NEUROD2: variants seen among roughly 807,000 people sequenced by gnomAD.
NEUROD2 encodes neuronal differentiation 2, also known as neurogenic differentiation factor 2.
A neutral mutation model predicts 9.3 loss-of-function variants in NEUROD2; 5 were observed. The observed-to-expected ratio is 0.54, with a 90% CI of 0.28 to 1.13. The LOEUF is 1.13. NEUROD2 is among the 50% of genes most tolerant of loss of function. The pLI is 0.10. For missense variants in NEUROD2, 376 were observed against 549.2 expected, an observed-to-expected ratio of 0.68 and a Z score of 3.15; for synonymous variants, 277 against 257.3, an observed-to-expected ratio of 1.08 and a Z score of -0.73.
rs1048159931 is a variant in NEUROD2 at position 39,604,695 on chromosome 17, A to G, written c.*756T>C. On this transcript the variant is annotated 3_prime_UTR_variant, in exon 2 of 2. Transcript: ENST00000302584. Reference sequence around the variant, plus strand: ...TTTTTTGCCTTTTATTGCTTCTAAAAGTCCTTACTGCGTTTTCTCTCCGAT... The same window carrying G: ...TTTTTTGCCTTTTATTGCTTCTAAAGGTCCTTACTGCGTTTTCTCTCCGAT... The G allele has an allele frequency of 1.4e-5, 2 of 144,636 alleles. No homozygotes were observed. The highest frequency in any genetic ancestry group is 5.3e-5 in the African/African-American group (2 of 38,034). 9.0% of individuals were successfully genotyped at this position (144,636 alleles called of 1,614,324 possible).
In NEUROD2 at chr17:39,605,271, G is replaced by T; in HGVS notation, c.*180C>A. On this transcript the variant is annotated 3_prime_UTR_variant, in exon 2 of 2. Transcript: ENST00000302584. This position sits in a 1 kb window ranked among gnomAD's most constrained non-coding sequence, Gnocchi z 6.8. ...AGGCGAGTCCCCTGGGGGAAGCGAG[G>T]CCCCTGGGACAGGCCACCCACAGGT... The T allele has an allele frequency of 4.2e-6, 3 of 708,784 alleles. No homozygotes were observed. Among genetic ancestry groups the T allele is most frequent in the Non-Finnish European group, 6.6e-6 (3 of 455,112 alleles). The allele number at this position is 708,784 out of a possible 1,614,324, so 43.9% of individuals were successfully genotyped here. A position where few individuals can be genotyped will look rare whatever the true frequency, so the allele number is the denominator to read the frequency against.
Position 39,605,949 on chromosome 17 carries a change from C to T in NEUROD2, c.651G>A (p.Thr217=). The T allele has an allele frequency of 1.9e-6, 3 of 1,612,788 alleles. No individual in the cohort carries two copies. The highest frequency in any genetic ancestry group is 2.7e-5 in the African/African-American group (2 of 75,014). The change falls in exon 2 of 2, where the codon ACG becomes ACA. Residue 217 remains threonine, a synonymous_variant. Transcript: ENST00000302584. This position sits in a 1 kb window ranked among gnomAD's most constrained non-coding sequence, Gnocchi z 6.8. ...GGCCGGCACCGTCGGCGCCTTGCTCCGTGAGGAAGTTGCGAGAGTTGAGCT... is the reference window on the plus strand; with the variant it reads ...GGCCGGCACCGTCGGCGCCTTGCTCTGTGAGGAAGTTGCGAGAGTTGAGCT... ...CLQLNSRNFL[T]EQGADGAGRF... is the part of the protein sequence containing the mutation.
chr17:39,605,184 G>A lies in NEUROD2; in HGVS notation c.*267C>T. The A allele has an allele frequency of 2.7e-6, 1 of 366,218 alleles. No individual in the cohort carries two copies. The highest frequency in any genetic ancestry group is 4.9e-6 in the Non-Finnish European group (1 of 204,782). The allele number at this position is 366,218 out of a possible 1,614,324, so 22.7% of individuals were successfully genotyped here. ...GGGGTGCCTCCAGGGAGCCCCCGGAGAGAGGTCCCTGGAGAAGCACTCCTT... is the reference window on the plus strand; with the variant it reads ...GGGGTGCCTCCAGGGAGCCCCCGGAAAGAGGTCCCTGGAGAAGCACTCCTT... On this transcript the variant is annotated 3_prime_UTR_variant, in exon 2 of 2. Transcript: ENST00000302584. The surrounding 1 kb of genome is among the most constrained non-coding windows in gnomAD (Gnocchi z 6.8).
At position 39,604,706 on chromosome 17, in the gene NEUROD2, CG is replaced by C. The variant is rs1299906904; in HGVS notation, c.*744del. 7.7e-6 allele frequency: 1 copy of C among 129,530 alleles called. No homozygotes were observed. Among genetic ancestry groups the C allele is most frequent in the East Asian group, 2.4e-4 (1 of 4,090 alleles). 8.0% of individuals were successfully genotyped at this position (129,530 alleles called of 1,614,324 possible). On this transcript the variant is annotated 3_prime_UTR_variant, in exon 2 of 2. Transcript: ENST00000302584. ...TTATTGCTTCTAAAAGTCCTTACTG[CG>C]TTTTCTCTCCGATCCGGACTCTGCG...
Position 39,605,655 on chromosome 17 carries a change from G to A in NEUROD2, c.945C>T (p.Ser315=), listed in dbSNP as rs747940425. Residue 315 remains serine, a synonymous_variant, in exon 2 of 2, where the codon TCC becomes TCT. Coordinates refer to ENST00000302584, the MANE Select transcript of NEUROD2 (RefSeq NM_006160.4). The surrounding 1 kb of genome is among the most constrained non-coding windows in gnomAD (Gnocchi z 6.8). ...LNGNFSLKQD[S]SPDHEKSYHY... ...GGTAGCTTTTCTCGTGGTCGGGCGAGGAGTCCTGCTTGAGTGAGAAGTTGC... is the reference window on the plus strand; with the variant it reads ...GGTAGCTTTTCTCGTGGTCGGGCGAAGAGTCCTGCTTGAGTGAGAAGTTGC... 1 of 1,612,914 alleles carries A rather than the reference G, an allele frequency of 6.2e-7. No homozygotes were observed. Among genetic ancestry groups the A allele is most frequent in the East Asian group, 2.2e-5 (1 of 44,774 alleles).
Position 39,606,822 on chromosome 17 carries a change from C to T in NEUROD2, c.-5-218G>A. The T allele has an allele frequency of 2.0e-6, 1 of 492,606 alleles. No individual in the cohort carries two copies. The highest frequency in any genetic ancestry group is 3.3e-5 in the South Asian group (1 of 30,024). 30.5% of individuals were successfully genotyped at this position (492,606 alleles called of 1,614,324 possible). ...GGGATCTCGGCCCAGGCCCTCTCCC[C>T]GGCGCTGGGCCCCGGCTCCGCCCCT... On this transcript the variant is annotated intron_variant, in intron 1 of 1. Coordinates refer to ENST00000302584, the MANE Select transcript of NEUROD2 (RefSeq NM_006160.4). This position sits in a 1 kb window ranked among gnomAD's most constrained non-coding sequence, Gnocchi z 7.8.
rs529684056 is a variant in NEUROD2 at position 39,604,091 on chromosome 17, A to T, written c.*1360T>A. On this transcript the variant is annotated 3_prime_UTR_variant, in exon 2 of 2. Coordinates refer to ENST00000302584, the MANE Select transcript of NEUROD2 (RefSeq NM_006160.4). ...AAGAGGACTCCTTGGACCAAAAAAT[A>T]CTCTCTCCAGACACCGGAAATCGCC... 2 of 151,986 alleles carry T rather than the reference A, an allele frequency of 1.3e-5. No individual in the cohort carries two copies. Among genetic ancestry groups the T allele is most frequent in the African/African-American group, 2.4e-5 (1 of 41,168 alleles). The allele number at this position is 151,986 out of a possible 1,614,324, so 9.4% of individuals were successfully genotyped here.
In NEUROD2 at chr17:39,606,658, G is replaced by T; in HGVS notation, c.-5-54C>A. 2 of 1,451,424 alleles carry T rather than the reference G, an allele frequency of 1.4e-6. No individual in the cohort carries two copies. Among genetic ancestry groups the T allele is most frequent in the Non-Finnish European group, 1.8e-6 (2 of 1,104,972 alleles). The allele number at this position is 1,451,424 out of a possible 1,614,324, so 89.9% of individuals were successfully genotyped here. A position where few individuals can be genotyped will look rare whatever the true frequency, so the allele number is the denominator to read the frequency against. On this transcript the variant is annotated intron_variant, in intron 1 of 1. Coordinates refer to ENST00000302584, the MANE Select transcript of NEUROD2 (RefSeq NM_006160.4). This position sits in a 1 kb window ranked among gnomAD's most constrained non-coding sequence, Gnocchi z 7.8. Reference sequence around the variant, plus strand: ...AGACAGACAGCACAAAGTGAGGGGCGCGCTGGGGTACCGACGCCCCCCCAC... The same window carrying T: ...AGACAGACAGCACAAAGTGAGGGGCTCGCTGGGGTACCGACGCCCCCCCAC...
chr17:39,606,842 G>A lies in NEUROD2; in HGVS notation c.-5-238C>T. On this transcript the variant is annotated intron_variant, in intron 1 of 1. Transcript: ENST00000302584. This position sits in a 1 kb window ranked among gnomAD's most constrained non-coding sequence, Gnocchi z 7.8. Reference sequence around the variant, plus strand: ...CTCCCCGGCGCTGGGCCCCGGCTCCGCCCCTCGCTTGAATGGGGGGCTGCT... The same window carrying A: ...CTCCCCGGCGCTGGGCCCCGGCTCCACCCCTCGCTTGAATGGGGGGCTGCT... 2 of 474,020 alleles carry A rather than the reference G, an allele frequency of 4.2e-6. No individual in the cohort carries two copies. Among genetic ancestry groups the A allele is most frequent in the East Asian group, 3.7e-5 (1 of 27,384 alleles). The allele number at this position is 474,020 out of a possible 1,614,324, so 29.4% of individuals were successfully genotyped here. A position where few individuals can be genotyped will look rare whatever the true frequency, so the allele number is the denominator to read the frequency against.
Position 39,605,864 on chromosome 17 carries a change from G to A in NEUROD2, c.736C>T (p.Leu246=), listed in dbSNP as rs776036478. 4 of 1,529,450 alleles carry A rather than the reference G, an allele frequency of 2.6e-6. No homozygotes were observed. The East Asian group carries it at 1.0e-4, about 39-fold the overall frequency. The allele number at this position is 1,529,450 out of a possible 1,614,324, so 94.7% of individuals were successfully genotyped here. Reference sequence around the variant, plus strand: ...GCCGCCTGGCACTGTGCGCCCGCCAGGCGCGAGCACGGGTACGGGTAGGGG... The same window carrying A: ...GCCGCCTGGCACTGTGCGCCCGCCAAGCGCGAGCACGGGTACGGGTAGGGG... ...MHPYPYPCSR[L]AGAQCQAAGG... The change falls in exon 2 of 2, where the codon CTG becomes TTG. Residue 246 remains leucine (L), a synonymous_variant. Coordinates refer to ENST00000302584, the MANE Select transcript of NEUROD2 (RefSeq NM_006160.4). The surrounding 1 kb of genome is among the most constrained non-coding windows in gnomAD (Gnocchi z 6.8).
In NEUROD2 at chr17:39,605,470, T is replaced by C. The variant is rs80186804; in HGVS notation, c.1130A>G (p.Asn377Ser). Residue 377 changes from asparagine to serine, a missense_variant, in exon 2 of 2, where the codon AAT becomes AGT. Physicochemically the swap from Asn to Ser is conservative, Grantham distance 46 (BLOSUM62 1). Coordinates refer to ENST00000302584, the MANE Select transcript of NEUROD2 (RefSeq NM_006160.4). This position sits in a 1 kb window ranked among gnomAD's most constrained non-coding sequence, Gnocchi z 6.8. Reference protein sequence around the residue: ...HDRGPMYEELNAFFHN With the variant: ...HDRGPMYEELSAFFHN ...GAAGTCTCAGTTATGAAAAAACGCA[T>C]TGAGCTCCTCGTACATGGGGCCCCG... 3.8e-6 allele frequency: 6 copies of C among 1,589,026 alleles called. No homozygotes were observed. The highest frequency in any genetic ancestry group is 1.1e-5 in the South Asian group (1 of 89,028).
Position 39,604,794 on chromosome 17 carries a change from T to C in NEUROD2, c.*657A>G, listed in dbSNP as rs1485468951. 5 of 139,310 alleles carry C rather than the reference T, an allele frequency of 3.6e-5. No individual in the cohort carries two copies. Among genetic ancestry groups the C allele is most frequent in the Admixed American group, 1.5e-4 (2 of 13,792 alleles). 8.6% of individuals were successfully genotyped at this position (139,310 alleles called of 1,614,324 possible). Reference sequence around the variant, plus strand: ...TTTTTTTTTTTTTTTTTTTTTTTTTTTGTATGTTTGTTTGTTTAAAAAAAG... The same window carrying C: ...TTTTTTTTTTTTTTTTTTTTTTTTTCTGTATGTTTGTTTGTTTAAAAAAAG... On this transcript the variant is annotated 3_prime_UTR_variant, in exon 2 of 2. Coordinates refer to ENST00000302584, the MANE Select transcript of NEUROD2 (RefSeq NM_006160.4).
chr17:39,604,538 C>A lies in NEUROD2; in HGVS notation c.*913G>T, dbSNP rs1024858532. 1.3e-5 allele frequency: 2 copies of A among 151,754 alleles called. No homozygotes were observed. The highest frequency in any genetic ancestry group is 4.8e-5 in the African/African-American group (2 of 41,308). The allele number at this position is 151,754 out of a possible 1,614,324, so 9.4% of individuals were successfully genotyped here. ...ACAGATCCGCGCTCGGGCGGGGCGG[C>A]CCGCAGGCCGGGCGGGGCATCCCGG... On this transcript the variant is annotated 3_prime_UTR_variant, in exon 2 of 2. Transcript: ENST00000302584.
rs1265720537 is a variant in NEUROD2 at position 39,605,699 on chromosome 17, G to A, written c.901C>T (p.Pro301Ser). The A allele has an allele frequency of 6.2e-7, 1 of 1,605,808 alleles. No individual in the cohort carries two copies. Among genetic ancestry groups the A allele is most frequent in the South Asian group, 1.1e-5 (1 of 89,862 alleles). Residue 301 changes from proline to serine, a missense_variant, in exon 2 of 2, where the codon CCC becomes TCC. Physicochemically the swap from Pro to Ser is moderately conservative, Grantham distance 74. Around this residue, in one of 3 missense-constraint regions of NEUROD2, gnomAD observed 193 missense variants for 255.8 expected, o/e 0.75. Transcript: ENST00000302584. This position sits in a 1 kb window ranked among gnomAD's most constrained non-coding sequence, Gnocchi z 6.8. Reference sequence around the variant, plus strand: ...AAGTTGCCATTGAGACAGAGCGGGGGGCTGAGCGGGCCCTCGTACTCGGAG... The same window carrying A: ...AAGTTGCCATTGAGACAGAGCGGGGAGCTGAGCGGGCCCTCGTACTCGGAG... ...NSSEYEGPLS[P>S]PLCLNGNFSL... is the part of the protein sequence containing the mutation.
chr17:39,607,603 A>G (rs2056775141), intron 1 of NEUROD2, 125 bp downstream of exon 1: 1 of 984,468 alleles, frequency 1.0e-6, no homozygotes, highest in Non-Finnish European at 1.2e-6. Flanking sequence ...GGCCCCTCCG[A>G]TGCCCACCCA....
chr17:39,606,562 G>A lies in NEUROD2; in HGVS notation c.38C>T (p.Ser13Leu). 1 of 1,584,892 alleles carries A rather than the reference G, an allele frequency of 6.3e-7. No individual in the cohort carries two copies. Among genetic ancestry groups the A allele is most frequent in the Middle Eastern group, 1.9e-4 (1 of 5,360 alleles). Residue 13 changes from serine to leucine, a missense_variant, in exon 2 of 2, where the codon TCG becomes TTG. Ser to Leu is a moderately radical substitution (Grantham distance 145). This residue lies in a region of NEUROD2 where 134 missense variants were observed against 133.6 expected (regional missense o/e 1.00). Coordinates refer to ENST00000302584, the MANE Select transcript of NEUROD2 (RefSeq NM_006160.4). The surrounding 1 kb of genome is among the most constrained non-coding windows in gnomAD (Gnocchi z 7.8). ...CCAGCTGGCGAACTTGGGCACGTCC[G>A]AGAGAAGGCCGGGCTCGCTGAACAG... is the stretch of plus-strand genomic sequence containing the variant. ...TRLFSEPGLL[S>L]DVPKFASWGD...
At position 39,605,308 on chromosome 17, in the gene NEUROD2, G is replaced by A. The variant is rs892793483; in HGVS notation, c.*143C>T. 7.0e-6 allele frequency: 8 copies of A among 1,139,348 alleles called. No homozygotes were observed. The Admixed American group carries it at 1.2e-4, about 17-fold the overall frequency. 70.6% of individuals were successfully genotyped at this position (1,139,348 alleles called of 1,614,324 possible). A position where few individuals can be genotyped will look rare whatever the true frequency, so the allele number is the denominator to read the frequency against. ...GGCCACCCACAGGTAACAGGACTGC[G>A]CTGCCCCAGGAGAGCGGCAGGACCG... On this transcript the variant is annotated 3_prime_UTR_variant, in exon 2 of 2. Transcript: ENST00000302584. The surrounding 1 kb of genome is among the most constrained non-coding windows in gnomAD (Gnocchi z 6.8).
Position 39,606,427 on chromosome 17 carries a change from A to G in NEUROD2, c.173T>C (p.Val58Ala), listed in dbSNP as rs748701495. ...APGPARAAKPVPLRGEEGTEA... is the reference protein window; with the variant it reads ...APGPARAAKPAPLRGEEGTEA... Reference sequence around the variant, plus strand: ...CGTCCCCTCTTCTCCACGGAGAGGGACTGGCTTGGCCGCCCGGGCTGGCCC... The same window carrying G: ...CGTCCCCTCTTCTCCACGGAGAGGGGCTGGCTTGGCCGCCCGGGCTGGCCC... Residue 58 changes from valine (V) to alanine (A), a missense_variant, in exon 2 of 2, where the codon GTC (valine) becomes GCC (alanine). By Grantham distance (64) the Val-to-Ala change is moderately conservative. Around this residue, in one of 3 missense-constraint regions of NEUROD2, gnomAD observed 134 missense variants for 133.6 expected, o/e 1.00. Transcript: ENST00000302584. The surrounding 1 kb of genome is among the most constrained non-coding windows in gnomAD (Gnocchi z 7.8). 3.3e-5 allele frequency: 51 copies of G among 1,528,480 alleles called. 1 individual carries two copies. In the Middle Eastern group the frequency reaches 2.0e-3, roughly 61 times the overall value. 94.7% of individuals were successfully genotyped at this position (1,528,480 alleles called of 1,614,324 possible).
In NEUROD2 at chr17:39,605,575, A is replaced by G; in HGVS notation, c.1025T>C (p.Leu342Pro). 6.2e-7 allele frequency: 1 copy of G among 1,613,808 alleles called. No homozygotes were observed. The highest frequency in any genetic ancestry group is 1.6e-4 in the Middle Eastern group (1 of 6,062). The stretch of plus-strand genomic sequence containing the variant: ...GCGCACAGCCGACGAGCCGAAGACT[A>G]GCCCGTGGCCCGTGGGCCGCGAACC... ...LPGSRPTGHG[L>P]VFGSSAVRGG... The change falls in exon 2 of 2, where the codon CTA (leucine) becomes CCA (proline). Residue 342 changes from leucine (L) to proline (P), a missense_variant. By Grantham distance (98) the Leu-to-Pro change is moderately conservative. Transcript: ENST00000302584. This position sits in a 1 kb window ranked among gnomAD's most constrained non-coding sequence, Gnocchi z 6.8.
Sources: gnomAD v4.1 joint callset for allele counts on GRCh38, gnomAD v4.1.1 for gene constraint, gnomAD v4.1.1 regional missense constraint, Gnocchi (gnomAD v3.1) non-coding constraint, MANE v1.5 for transcripts, NCBI Gene and HGNC (gene_info 2026-07-23, HGNC 2026-07-21) for gene names.